The following SGCZ variants were observed in gnomAD, a reference collection of about 807,000 sequenced individuals.
SGCZ encodes zeta-sarcoglycan.
SGCZ carries 40 observed loss-of-function variants against 41.3 expected under a neutral mutation model. The observed-to-expected ratio is 0.97, with a 90% confidence interval of 0.75 to 1.26. The LOEUF (loss-of-function observed/expected upper bound fraction) is 1.26, where lower values mean the gene tolerates loss of function less well. Ranked by LOEUF, SGCZ falls within the 50% of genes most tolerant of loss-of-function variation. SGCZ has a pLI of 0.00. For synonymous variants in SGCZ, 206 were observed against 137.5 expected (o/e 1.50, Z -3.49); for missense variants, 552 against 369.8 (o/e 1.49, Z -4.04).
At chr8:14,127,004 G>T (rs1017543484) in intron 5 of SGCZ, among the ~76,000 whole-genome samples, 3 of 152,046 alleles carry the variant, frequency 2.0e-5, no homozygotes, top group Admixed American at 1.3e-4. Flanking sequence ...GAGAGCATCA[G>T]GACAAATACC....
intron 4 of SGCZ, among the ~76,000 whole-genome samples, chr8:14,183,059 GA>G (rs1804782558): frequency 6.8e-6 from 1 of 146,472 alleles, no homozygotes; most frequent in African/African-American, 2.5e-5. Flanking sequence ...AGTTGATTAA[GA>G]AAAAAATTAA....
At chr8:14,440,532 A>G (rs1267534792) in intron 2 of SGCZ, among the ~76,000 whole-genome samples, 1 of 152,122 alleles carries the variant, frequency 6.6e-6, no homozygotes, top group Non-Finnish European at 1.5e-5. Flanking sequence ...TTTAAGAGAA[A>G]AATAAAATCA....
At chr8:15,038,931 C>G (rs1803974213) in intron 1 of SGCZ, among the ~76,000 whole-genome samples, 1 of 151,162 alleles carries the variant, frequency 6.6e-6, no homozygotes, top group Non-Finnish European at 1.5e-5. Flanking sequence ...CTATAGTAAA[C>G]TACTACCTCA....
chr8:14,750,634 A>C (rs1379162609), intron 1 of SGCZ, among the ~76,000 whole-genome samples: 3 of 152,188 alleles, frequency 2.0e-5, no homozygotes, highest in Non-Finnish European at 4.4e-5. Flanking sequence ...ATTAAACATG[A>C]AAGAAGACAG....
At chr8:14,922,441 T>C (rs1799616248) in intron 1 of SGCZ, among the ~76,000 whole-genome samples, 1 of 152,044 alleles carries the variant, frequency 6.6e-6, no homozygotes, top group African/African-American at 2.4e-5. Context: ...AATTTTTATG[T>C]TTTTGTATTT....
intron 5 of SGCZ, among the ~76,000 whole-genome samples, chr8:14,139,459 G>A (rs149168958): frequency 0.022 from 3,352 of 152,102 alleles, 57 homozygotes; most frequent in Non-Finnish European, 0.035. Flanking sequence ...GACTAATAAA[G>A]AAGAAAAGAA....
At chr8:15,064,425 T>G (rs1321544875) in intron 1 of SGCZ, among the ~76,000 whole-genome samples, 2 of 151,982 alleles carry the variant, frequency 1.3e-5, no homozygotes, top group Non-Finnish European at 2.9e-5. Flanking sequence ...AGTAGTCCCA[T>G]AGGTAGTTTT....
chr8:14,706,281 C>A (rs1169398375), intron 1 of SGCZ, among the ~76,000 whole-genome samples: 1 of 152,038 alleles, frequency 6.6e-6, no homozygotes. Flanking sequence ...AGTTCACGCT[C>A]TTTAAACTAA....
At chr8:15,081,272 G>A (rs1805738043) in intron 1 of SGCZ, among the ~76,000 whole-genome samples, 1 of 152,110 alleles carries the variant, frequency 6.6e-6, no homozygotes, top group African/African-American at 2.4e-5. Context: ...TTTACAGTGT[G>A]ATTTTCAAAT....
intron 2 of SGCZ, among the ~76,000 whole-genome samples, chr8:14,351,419 C>A (rs13263190): frequency 0.2 from 29,870 of 151,920 alleles, 3,692 homozygotes; most frequent in Non-Finnish European, 0.29. Context: ...CCTTCTCTTA[C>A]CTACCCTCAT....
intron 1 of SGCZ, among the ~76,000 whole-genome samples, chr8:14,666,756 T>C (rs1446995013): frequency 6.6e-6 from 1 of 151,602 alleles, no homozygotes; most frequent in Non-Finnish European, 1.5e-5. Flanking sequence ...CTAGGCCACA[T>C]TTAATTATTA....
At chr8:14,255,690 T>C (rs1326418830) in intron 3 of SGCZ, among the ~76,000 whole-genome samples, 1 of 152,132 alleles carries the variant, frequency 6.6e-6, no homozygotes, top group East Asian at 1.9e-4. Flanking sequence ...TTTGGATGAA[T>C]ATAACTTATT....
In SGCZ at chr8:14,889,540, G is replaced by T. The variant is rs80157757; in HGVS notation, c.40-334614C>A. ...TGGAGGGTGGTTGAGGGTTAGAAGA[G>T]TTGGGCAAGTAACTTGACTTGGACT... On this transcript the variant is annotated intron_variant, in intron 1 of 7. Coordinates refer to ENST00000382080, the MANE Select transcript of SGCZ (RefSeq NM_139167.4). 9.4e-3 allele frequency among the ~76,000 whole-genome samples: 1,436 copies of T among 152,124 alleles called. 21 individuals carry two copies. Among genetic ancestry groups the T allele is most frequent in the African/African-American group, 0.032 (1,322 of 41,484 alleles).
At chr8:14,121,076 A>G (rs1802681933) in intron 5 of SGCZ, among the ~76,000 whole-genome samples, 1 of 152,172 alleles carries the variant, frequency 6.6e-6, no homozygotes, top group Non-Finnish European at 1.5e-5. Flanking sequence ...TGTGAAATAG[A>G]GAAATAGCCT....
At chr8:14,377,874 G>T (rs1334405794) in intron 2 of SGCZ, among the ~76,000 whole-genome samples, 3 of 151,364 alleles carry the variant, frequency 2.0e-5, no homozygotes, top group African/African-American at 4.9e-5. Context: ...ATTTTTTATG[G>T]CTGCATAGTA....
chr8:15,208,353 G>A (rs10096949), intron 1 of SGCZ, among the ~76,000 whole-genome samples: 2 of 152,066 alleles, frequency 1.3e-5, no homozygotes, highest in Admixed American at 6.6e-5. Context: ...TCTGACTAAC[G>A]CATCCAAATA....
chr8:14,236,556 T>A (rs1410503672), intron 4 of SGCZ, among the ~76,000 whole-genome samples: 1 of 151,870 alleles, frequency 6.6e-6, no homozygotes, highest in Admixed American at 6.6e-5. Flanking sequence ...ATTGGAAATA[T>A]ACATTTGCAT....
chr8:15,216,067 C>G (rs1222667703), intron 1 of SGCZ, among the ~76,000 whole-genome samples: 2 of 152,108 alleles, frequency 1.3e-5, no homozygotes, highest in Non-Finnish European at 2.9e-5. Context: ...TCCAGAACAT[C>G]TCAAGTGTGG....
rs577516352 is a variant in SGCZ, at chr8:14,929,043, G to C, written c.39+308542C>G. ...GTCTCACTCTGTTGCCCAGACTGGA[G>C]TGCAGTGGCATGATCTCGGCTCACT... is the stretch of plus-strand genomic sequence containing the variant. On this transcript the variant is annotated intron_variant, in intron 1 of 7. Coordinates refer to ENST00000382080, the MANE Select transcript of SGCZ (RefSeq NM_139167.4). Among the ~76,000 whole-genome samples, 4 of 152,196 alleles carry C rather than the reference G, an allele frequency of 2.6e-5. No homozygotes were observed. In the South Asian group the frequency reaches 6.2e-4, roughly 24 times the overall value.
Sources: allele counts gnomAD v4.1 joint callset (sites outside exome capture counted in the v4.1 genomes callset), GRCh38; gene constraint gnomAD v4.1.1; transcripts MANE v1.5; gene names NCBI Gene and HGNC (gene_info 2026-07-23, HGNC 2026-07-21).